ACYP2: variants seen among roughly 807,000 people sequenced by gnomAD.
ACYP2 encodes the protein acylphosphatase-2.
ACYP2 carries 12 observed loss-of-function variants against 11.2 expected under a neutral mutation model. The observed-to-expected ratio is 1.08, with a 90% CI of 0.69 to 1.74. ACYP2 has a LOEUF of 1.74. Ranked by LOEUF, ACYP2 falls within the 40% of genes most tolerant of loss-of-function variation. The probability of loss-of-function intolerance (pLI) is 0.00; values close to 1 mark genes in which losing one functional copy is unlikely to be tolerated. For synonymous variants in ACYP2, 43 were observed against 32.2 expected (o/e 1.33, Z -1.13); for missense variants, 134 against 101.9 (o/e 1.31, Z -1.35).
At chr2:54,250,479 G>C (rs917397237) in intron 6 of ACYP2, among the ~76,000 whole-genome samples, 13 of 151,872 alleles carry the variant, frequency 8.6e-5, no homozygotes, top group African/African-American at 2.9e-4. Context: ...GGGTGGGGTG[G>C]GGGGGGCGTT....
intron 6 of ACYP2, among the ~76,000 whole-genome samples, chr2:54,171,869 A>G (rs1342751756): frequency 1.3e-5 from 2 of 152,114 alleles, no homozygotes; most frequent in African/African-American, 4.8e-5. Flanking sequence ...CTTTTCTTTA[A>G]AAAGGTGCCG....
chr2:54,099,336 T>C (rs1678763261), intron 4 of ACYP2, among the ~76,000 whole-genome samples: 1 of 152,222 alleles, frequency 6.6e-6, no homozygotes, highest in Non-Finnish European at 1.5e-5. Flanking sequence ...TACAACATGT[T>C]GTTATTAACT....
intron 5 of ACYP2, among the ~76,000 whole-genome samples, chr2:54,137,187 ACAGAAAACATCAGAAT>A (rs1423077528): frequency 0.011 from 1,721 of 152,314 alleles, 38 homozygotes; most frequent in African/African-American, 0.04. Flanking sequence ...TCCAGAGCCA[ACAGAAAACATCAGAAT>A]CTTTTAGTCT....
intron 6 of ACYP2, among the ~76,000 whole-genome samples, chr2:54,265,717 C>T (rs1378668826): frequency 1.3e-5 from 2 of 152,136 alleles, no homozygotes; most frequent in Non-Finnish European, 2.9e-5. Flanking sequence ...AGTGGTAAGT[C>T]CAAATCTCAA....
chr2:54,009,780 A>G (rs1673264160), intron 2 of ACYP2, among the ~76,000 whole-genome samples: 1 of 152,188 alleles, frequency 6.6e-6, no homozygotes, highest in African/African-American at 2.4e-5. Context: ...ATGAATCTAA[A>G]TGGAATACTG....
intron 3 of ACYP2, among the ~76,000 whole-genome samples, chr2:54,052,487 A>G (rs1251723378): frequency 2.0e-5 from 3 of 152,160 alleles, no homozygotes; most frequent in Non-Finnish European, 4.4e-5. Context: ...ATATATGGGA[A>G]TTGTAATTTT....
chr2:54,177,214 C>T (rs1683499173), intron 6 of ACYP2, among the ~76,000 whole-genome samples: 1 of 152,090 alleles, frequency 6.6e-6, no homozygotes, highest in Non-Finnish European at 1.5e-5. Flanking sequence ...CTCTACCTTC[C>T]AGTTGAATGC....
intron 2 of ACYP2, among the ~76,000 whole-genome samples, chr2:53,985,732 G>A (rs1439096195): frequency 6.6e-6 from 1 of 152,182 alleles, no homozygotes; most frequent in Non-Finnish European, 1.5e-5. Flanking sequence ...AGGTGTTTGG[G>A]TCATGGGGGA....
intron 2 of ACYP2, among the ~76,000 whole-genome samples, chr2:54,016,522 C>T (rs375565696): frequency 2.6e-5 from 4 of 152,056 alleles, no homozygotes; most frequent in East Asian, 1.9e-4. Context: ...ATTTCAGTGA[C>T]ATTTGACTAT....
At chr2:54,158,966 C>G (rs574163095) in intron 6 of ACYP2, among the ~76,000 whole-genome samples, 1 of 152,196 alleles carries the variant, frequency 6.6e-6, no homozygotes, top group South Asian at 2.1e-4. Context: ...GGTCAGCTAA[C>G]TAAACATTTG....
chr2:54,193,712 C>T (rs1438530832), intron 6 of ACYP2, among the ~76,000 whole-genome samples: 1 of 151,964 alleles, frequency 6.6e-6, no homozygotes, highest in Non-Finnish European at 1.5e-5. Flanking sequence ...GGGAATGTAG[C>T]CTGGAATGAC....
intron 2 of ACYP2, among the ~76,000 whole-genome samples, chr2:54,013,542 C>A (rs982890447): frequency 3.3e-5 from 5 of 151,838 alleles, no homozygotes; most frequent in African/African-American, 9.7e-5. Flanking sequence ...TCAGGTGATC[C>A]ACCCACCTCG....
chr2:54,070,566 A>C (rs748158753), intron 4 of ACYP2, among the ~76,000 whole-genome samples: 9 of 152,160 alleles, frequency 5.9e-5, no homozygotes, highest in Non-Finnish European at 1.3e-4. Context: ...CCCCAGAGTT[A>C]TTTAACACAT....
chr2:54,076,433 C>T (rs1355788910), intron 4 of ACYP2, among the ~76,000 whole-genome samples: 3 of 152,128 alleles, frequency 2.0e-5, no homozygotes, highest in Non-Finnish European at 4.4e-5. Flanking sequence ...CATGGAAGAT[C>T]GCACTGCTAG....
At chr2:54,258,432 G>C (rs745635654) in intron 6 of ACYP2, among the ~76,000 whole-genome samples, 10 of 152,206 alleles carry the variant, frequency 6.6e-5, no homozygotes, top group Non-Finnish European at 1.2e-4. Flanking sequence ...GGAGGCCAGC[G>C]TGACTGGAGC....
intron 2 of ACYP2, among the ~76,000 whole-genome samples, chr2:54,020,196 C>G (rs553502315): frequency 6.6e-6 from 1 of 152,270 alleles, no homozygotes; most frequent in South Asian, 2.1e-4. Context: ...CTCAGCCTCC[C>G]AAAGTGCTGC....
At chr2:54,238,857 C>T (rs1361555608) in intron 6 of ACYP2, among the ~76,000 whole-genome samples, 2 of 151,478 alleles carry the variant, frequency 1.3e-5, no homozygotes, top group African/African-American at 4.8e-5. Context: ...AAGGCTAAAA[C>T]TGATATCCCT....
chr2:54,211,161 A>G lies in ACYP2; in HGVS notation c.404+72413A>G, dbSNP rs546316584. On this transcript the variant is annotated intron_variant, in intron 6 of 6. Transcript: ENST00000607452. ...ACTATCTTTAAATTTCTTTTTATAG[A>G]TTATCATAAAAATTAAAACAGAAAT... Among the ~76,000 whole-genome samples, 91 of 152,268 alleles carry G rather than the reference A, an allele frequency of 6.0e-4. 1 individual carries two copies. Among genetic ancestry groups the G allele is most frequent in the African/African-American group, 2.1e-3 (89 of 41,490 alleles).
intron 5 of ACYP2, among the ~76,000 whole-genome samples, chr2:54,137,164 T>C (rs768081292): frequency 6.6e-6 from 1 of 151,956 alleles, no homozygotes; most frequent in Non-Finnish European, 1.5e-5. Flanking sequence ...AATTATAACA[T>C]TTCTGTGCCA....
Sources: allele counts gnomAD v4.1 joint callset (sites outside exome capture counted in the v4.1 genomes callset), GRCh38; gene constraint gnomAD v4.1.1; transcripts MANE v1.5; gene names NCBI Gene and HGNC (gene_info 2026-07-23, HGNC 2026-07-21).